MFSD6: variants seen among roughly 807,000 people sequenced by gnomAD.
MFSD6 encodes the protein major facilitator superfamily domain-containing protein 6.
Under a neutral mutation model 56.3 loss-of-function variants are expected in MFSD6, and 26 were observed. That is an observed-to-expected ratio of 0.46 (90% confidence interval 0.34 to 0.64). The LOEUF (loss-of-function observed/expected upper bound fraction) is 0.64, where lower values mean the gene tolerates loss of function less well. Ranked by LOEUF, MFSD6 falls within the 30% of genes least tolerant of loss-of-function variation. The pLI is 0.01. For missense variants in MFSD6, 750 were observed against 986.2 expected, an observed-to-expected ratio of 0.76 and a Z score of 3.21; for synonymous variants, 331 against 366.9, an observed-to-expected ratio of 0.90 and a Z score of 1.12.
chr2:190,476,588 AC>A (rs1401146077), intron 4 of MFSD6, among the ~76,000 whole-genome samples: 2 of 152,152 alleles, frequency 1.3e-5, no homozygotes, highest in Non-Finnish European at 2.9e-5. Context: ...AAATAGGAAC[AC>A]TTTTACACTG....
At position 190,501,163 on chromosome 2, in the gene MFSD6, C is replaced by T. The variant is rs1690004926; in HGVS notation, c.*945C>T. On this transcript the variant is annotated 3_prime_UTR_variant, in exon 8 of 8. Coordinates refer to ENST00000392328, the MANE Select transcript of MFSD6 (RefSeq NM_017694.4). ...AATAAGCAGTACTAGTTACAAATCA[C>T]AGTATAAGATTTAAGTGCCTGGGGG... 6.6e-6 allele frequency: 1 copy of T among 152,148 alleles called. No homozygotes were observed. Among genetic ancestry groups the T allele is most frequent in the South Asian group, 2.1e-4 (1 of 4,830 alleles). The allele number at this position is 152,148 out of a possible 1,614,324, so 9.4% of individuals were successfully genotyped here. A position where few individuals can be genotyped will look rare whatever the true frequency, so the allele number is the denominator to read the frequency against.
rs1166373505 is a variant in MFSD6 at position 190,457,264 on chromosome 2, G to A, written c.1533-12494G>A. ...CTTTGTGGCCCCGGTCCACCCCTGT[G>A]GCCCTCTCCTTCCTTGTCTCTGTGA... On this transcript the variant is annotated intron_variant, in intron 3 of 7. Coordinates refer to ENST00000392328, the MANE Select transcript of MFSD6 (RefSeq NM_017694.4). The surrounding 1 kb of genome is among the most constrained non-coding windows in gnomAD (Gnocchi z 5.1). Among the ~76,000 whole-genome samples, 2 of 152,100 alleles carry A rather than the reference G, an allele frequency of 1.3e-5. No homozygotes were observed. Among genetic ancestry groups the A allele is most frequent in the Non-Finnish European group, 2.9e-5 (2 of 68,014 alleles).
At chr2:190,422,695 A>G (rs893805476) in intron 2 of MFSD6, among the ~76,000 whole-genome samples, 8 of 152,096 alleles carry the variant, frequency 5.3e-5, no homozygotes, top group African/African-American at 1.7e-4. Context: ...ATTTTTATTC[A>G]TTGTGTTAGG....
chr2:190,435,617 A>G (rs1686150500), intron 2 of MFSD6, among the ~76,000 whole-genome samples: 1 of 145,366 alleles, frequency 6.9e-6, no homozygotes, highest in African/African-American at 2.5e-5. Flanking sequence ...TTGTTTGAAC[A>G]GTAAAATCAA....
intron 2 of MFSD6, among the ~76,000 whole-genome samples, chr2:190,428,968 C>T (rs1051616495): frequency 2.0e-5 from 3 of 152,160 alleles, no homozygotes; most frequent in Admixed American, 6.5e-5. Flanking sequence ...CCACCATGCC[C>T]AGCCTCAATC....
Position 190,436,529 on chromosome 2 carries a change from C to A in MFSD6, c.500C>A (p.Thr167Asn), listed in dbSNP as rs764324932. The change falls in exon 3 of 8, where the codon ACT (threonine) becomes AAT (asparagine). Residue 167 changes from threonine to asparagine, a missense_variant. Thr to Asn is a moderately conservative substitution (Grantham distance 65). Coordinates refer to ENST00000392328, the MANE Select transcript of MFSD6 (RefSeq NM_017694.4). This position sits in a 1 kb window ranked among gnomAD's most constrained non-coding sequence, Gnocchi z 5.3. ...LRCVPKIRPTTHPTNASHQLT... is the reference protein window; with the variant it reads ...LRCVPKIRPTNHPTNASHQLT... ...TGTGTACCAAAGATTCGCCCAACAACTCACCCCACCAATGCAAGTCACCAG... is the reference window on the plus strand; with the variant it reads ...TGTGTACCAAAGATTCGCCCAACAAATCACCCCACCAATGCAAGTCACCAG... 6.2e-7 allele frequency: 1 copy of A among 1,614,128 alleles called. No individual in the cohort carries two copies. Among genetic ancestry groups the A allele is most frequent in the Non-Finnish European group, 8.5e-7 (1 of 1,180,050 alleles).
Position 190,438,711 on chromosome 2 carries a change from A to C in MFSD6, c.1532+1150A>C, listed in dbSNP as rs1162649192. ...CTAAAATGTGAAGTTGCTGTAACTA[A>C]AAGCAACCGTATGTGTTTGTGTGTA... On this transcript the variant is annotated intron_variant, in intron 3 of 7. Transcript: ENST00000392328. This position sits in a 1 kb window ranked among gnomAD's most constrained non-coding sequence, Gnocchi z 5.2. Among the ~76,000 whole-genome samples the C allele has an allele frequency of 6.6e-6, 1 of 152,220 alleles. No individual in the cohort carries two copies. The highest frequency in any genetic ancestry group is 2.4e-5 in the African/African-American group (1 of 41,452).
At position 190,436,466 on chromosome 2, in the gene MFSD6, A is replaced by G; in HGVS notation, c.437A>G (p.Asn146Ser). The change falls in exon 3 of 8, where the codon AAC becomes AGC. Residue 146 changes from asparagine to serine, a missense_variant. Transcript: ENST00000392328. This position sits in a 1 kb window ranked among gnomAD's most constrained non-coding sequence, Gnocchi z 5.3. ...LFSLLCWVLFNLGIGFVKPAT... is the reference protein window; with the variant it reads ...LFSLLCWVLFSLGIGFVKPAT... ...TCTCTTTTGTGTTGGGTTTTATTCA[A>G]CCTGGGCATTGGATTTGTCAAACCT... The G allele has an allele frequency of 3.7e-6, 6 of 1,614,164 alleles. No homozygotes were observed. Among genetic ancestry groups the G allele is most frequent in the African/African-American group, 1.3e-5 (1 of 75,040 alleles).
At chr2:190,414,847 T>A (rs999528117) in intron 1 of MFSD6, among the ~76,000 whole-genome samples, 1 of 152,214 alleles carries the variant, frequency 6.6e-6, no homozygotes, top group African/African-American at 2.4e-5. Context: ...TGGTGTCATT[T>A]TTATCGAGTC....
At position 190,412,131 on chromosome 2, in the gene MFSD6, A is replaced by G; in HGVS notation, c.-175-3161A>G. The G allele has an allele frequency of 1.0e-6, 1 of 984,032 alleles. No homozygotes were observed. Among genetic ancestry groups the G allele is most frequent in the African/African-American group, 1.7e-5 (1 of 57,302 alleles). 61.0% of individuals were successfully genotyped at this position (984,032 alleles called of 1,614,324 possible). A position where few individuals can be genotyped will look rare whatever the true frequency, so the allele number is the denominator to read the frequency against. The stretch of plus-strand genomic sequence containing the variant: ...TAAATACAGTCCCATAGTTCTATCC[A>G]ATTCTATGTAAAATTAACTAAAACC... On this transcript the variant is annotated intron_variant, in intron 1 of 7. Transcript: ENST00000392328. This position sits in a 1 kb window ranked among gnomAD's most constrained non-coding sequence, Gnocchi z 4.1.
At chr2:190,468,975 C>T (rs1406253448) in intron 3 of MFSD6, among the ~76,000 whole-genome samples, 3 of 152,130 alleles carry the variant, frequency 2.0e-5, no homozygotes, top group Non-Finnish European at 4.4e-5. Context: ...TGCTTCCAAA[C>T]CAGCCCATCC....
rs554057261 is a variant in MFSD6 at position 190,497,192 on chromosome 2, A to T, written c.1892-247A>T. Among the ~76,000 whole-genome samples, 27 of 152,276 alleles carry T rather than the reference A, an allele frequency of 1.8e-4. No homozygotes were observed. The highest frequency in any genetic ancestry group is 5.5e-4 in the African/African-American group (23 of 41,550). On this transcript the variant is annotated intron_variant, in intron 6 of 7. Coordinates refer to ENST00000392328, the MANE Select transcript of MFSD6 (RefSeq NM_017694.4). The surrounding 1 kb of genome is among the most constrained non-coding windows in gnomAD (Gnocchi z 5.2). ...CACTGATGTTCTAAGTTAAATGAAA[A>T]ATATATTTCTTAAATATATATGCTA... is the stretch of plus-strand genomic sequence containing the variant.
rs1689215280 is a variant in MFSD6 at position 190,489,624 on chromosome 2, T to C, written c.1793-144T>C. The C allele has an allele frequency of 2.9e-6, 2 of 679,344 alleles. No individual in the cohort carries two copies. Among genetic ancestry groups the C allele is most frequent in the Admixed American group, 3.0e-5 (1 of 32,908 alleles). The allele number at this position is 679,344 out of a possible 1,614,324, so 42.1% of individuals were successfully genotyped here. On this transcript the variant is annotated intron_variant, in intron 5 of 7. Coordinates refer to ENST00000392328, the MANE Select transcript of MFSD6 (RefSeq NM_017694.4). This position sits in a 1 kb window ranked among gnomAD's most constrained non-coding sequence, Gnocchi z 6.6. ...TACCCAGCCCTGTGTTTTTCCATTA[T>C]GTGGAGCTAATACCCAACTACTTTT...
At position 190,488,506 on chromosome 2, in the gene MFSD6, A is replaced by G; in HGVS notation, c.1631-151A>G. On this transcript the variant is annotated intron_variant, in intron 4 of 7. Transcript: ENST00000392328. The surrounding 1 kb of genome is among the most constrained non-coding windows in gnomAD (Gnocchi z 6.4). The stretch of plus-strand genomic sequence containing the variant: ...TGTACTCAGTGCCACTGAACCGTAC[A>G]TTTAAAAATGTGAAAATGGTAAATT... 4 of 708,974 alleles carry G rather than the reference A, an allele frequency of 5.6e-6. No homozygotes were observed. The highest frequency in any genetic ancestry group is 8.4e-6 in the Non-Finnish European group (4 of 477,516). 43.9% of individuals were successfully genotyped at this position (708,974 alleles called of 1,614,324 possible). A position where few individuals can be genotyped will look rare whatever the true frequency, so the allele number is the denominator to read the frequency against.
Position 190,455,000 on chromosome 2 carries a change from A to ATGTATATGTATAATGTAT in MFSD6, c.1533-14758_1533-14757insTGTATATGTATAATGTAT, listed in dbSNP as rs1553519571. Among the ~76,000 whole-genome samples, 1 of 46,602 alleles carries ATGTATATGTATAATGTAT rather than the reference A, an allele frequency of 2.1e-5. No individual in the cohort carries two copies. The highest frequency in any genetic ancestry group is 7.6e-4 in the East Asian group (1 of 1,312). The allele number at this position is 46,602 out of a possible 152,430, so 30.6% of individuals were successfully genotyped here. On this transcript the variant is annotated intron_variant, in intron 3 of 7. Transcript: ENST00000392328. This position sits in a 1 kb window ranked among gnomAD's most constrained non-coding sequence, Gnocchi z 4.6. ...TATGTATATGTATATGTATATGTAT[A>ATGTATATGTATAATGTAT]ATGTATATGTATATGTATATGTGTG...
In MFSD6 at chr2:190,455,539, T is replaced by C. The variant is rs148142679; in HGVS notation, c.1533-14219T>C. 2.4e-3 allele frequency among the ~76,000 whole-genome samples: 367 copies of C among 152,334 alleles called. 2 individuals are homozygous for C. The highest frequency in any genetic ancestry group is 0.018 in the South Asian group (87 of 4,826). ...TGTTGATCTGCACGACCCTGGCAAC[T>C]TGGTGAACCTTTCAGGGCCTTGGTT... On this transcript the variant is annotated intron_variant, in intron 3 of 7. Coordinates refer to ENST00000392328, the MANE Select transcript of MFSD6 (RefSeq NM_017694.4).
intron 3 of MFSD6, among the ~76,000 whole-genome samples, chr2:190,452,169 C>T (rs1686796327): frequency 6.6e-6 from 1 of 151,788 alleles, no homozygotes. Flanking sequence ...AATCTCCAAT[C>T]GCTTGAACCT....
chr2:190,420,768 G>A (rs1685580873), intron 2 of MFSD6, among the ~76,000 whole-genome samples: 1 of 152,026 alleles, frequency 6.6e-6, no homozygotes, highest in Non-Finnish European at 1.5e-5. Context: ...TTTATAATGT[G>A]ATTTCTCCAT....
intron 4 of MFSD6, among the ~76,000 whole-genome samples, chr2:190,481,166 C>T (rs1031752356): frequency 6.6e-6 from 1 of 152,204 alleles, no homozygotes; most frequent in Non-Finnish European, 1.5e-5. Context: ...ACATTAAACT[C>T]CCTGGGTTTT....
Sources: gnomAD v4.1 joint callset for allele counts (sites outside exome capture counted in the v4.1 genomes callset) on GRCh38, gnomAD v4.1.1 for gene constraint, Gnocchi (gnomAD v3.1) non-coding constraint, MANE v1.5 for transcripts, NCBI Gene and HGNC (gene_info 2026-07-23, HGNC 2026-07-21) for gene names.